The following SDK1 variants were observed in gnomAD, a reference collection of about 807,000 sequenced individuals.
SDK1 encodes the protein sidekick cell adhesion molecule 1, also known as protein sidekick-1.
SDK1 carries 157 observed loss-of-function variants against 245.5 expected under a neutral mutation model. That is an observed-to-expected ratio of 0.64 (90% CI 0.56 to 0.73). The LOEUF is 0.73. Among genes scored for constraint, SDK1 ranks in the 30% least tolerant of loss-of-function variants. The pLI, the probability that SDK1 is intolerant of heterozygous loss-of-function variation, is 0.00. For synonymous variants in SDK1, 1,647 were observed against 1,278.5 expected (o/e 1.29, Z -6.15); for missense variants, 3,583 against 3,002.3 (o/e 1.19, Z -4.52).
At chr7:4,100,202 G>C (rs938987916) in intron 22 of SDK1, among the ~76,000 whole-genome samples, 1 of 152,202 alleles carries the variant, frequency 6.6e-6, no homozygotes, top group Non-Finnish European at 1.5e-5. Context: ...AGAGGGATCA[G>C]ATCTGATGGG....
At chr7:4,215,231 T>C (rs945330842) in intron 38 of SDK1, among the ~76,000 whole-genome samples, 1 of 152,162 alleles carries the variant, frequency 6.6e-6, no homozygotes, top group African/African-American at 2.4e-5. Context: ...TTATATCTCA[T>C]CGGGGGCCAG....
At position 3,835,755 on chromosome 7, in the gene SDK1, G is replaced by A. The variant is rs556615142; in HGVS notation, c.847+14172G>A. On this transcript the variant is annotated intron_variant, in intron 5 of 44. Coordinates refer to ENST00000404826, the MANE Select transcript of SDK1 (RefSeq NM_152744.4). ...AGGATATCATGATTGAAGCAGACTG[G>A]TTTCTACTCTCAGAGCTTTTGTTGG... is the stretch of plus-strand genomic sequence containing the variant. Among the ~76,000 whole-genome samples the A allele has an allele frequency of 3.7e-3, 562 of 152,174 alleles. 5 individuals are homozygous for A. Among genetic ancestry groups the A allele is most frequent in the African/African-American group, 0.013 (546 of 41,524 alleles).
In SDK1 at chr7:4,027,223, G is replaced by A. The variant is rs28510071; in HGVS notation, c.2602+9871G>A. On this transcript the variant is annotated intron_variant, in intron 17 of 44. Coordinates refer to ENST00000404826, the MANE Select transcript of SDK1 (RefSeq NM_152744.4). Reference sequence around the variant, plus strand: ...AACTGATACTGCACCTGAGGGTCATGGACGATGAAATTTCACTGTGTAGAG... The same window carrying A: ...AACTGATACTGCACCTGAGGGTCATAGACGATGAAATTTCACTGTGTAGAG... 7.9e-3 allele frequency among the ~76,000 whole-genome samples: 1,208 copies of A among 152,308 alleles called. 18 individuals carry two copies. Among genetic ancestry groups the A allele is most frequent in the African/African-American group, 0.028 (1,145 of 41,570 alleles).
chr7:3,943,095 G>C (rs983468037), intron 5 of SDK1, among the ~76,000 whole-genome samples: 1 of 152,190 alleles, frequency 6.6e-6, no homozygotes, highest in Non-Finnish European at 1.5e-5. Flanking sequence ...ATCCAGACAC[G>C]GAAGACAGTG....
At chr7:4,202,926 T>G (rs1783973887) in intron 35 of SDK1, among the ~76,000 whole-genome samples, 2 of 152,190 alleles carry the variant, frequency 1.3e-5, no homozygotes, top group African/African-American at 4.8e-5. Flanking sequence ...AACCATGAGC[T>G]GCTGGTGCTC....
At chr7:4,251,359 A>G (rs1003538943) in intron 44 of SDK1, among the ~76,000 whole-genome samples, 2 of 152,228 alleles carry the variant, frequency 1.3e-5, no homozygotes, top group Non-Finnish European at 2.9e-5. Context: ...TGCACAGAGC[A>G]AAGTCCAGAG....
chr7:4,250,253 C>G (rs77574923), intron 44 of SDK1, among the ~76,000 whole-genome samples: 1 of 152,316 alleles, frequency 6.6e-6, no homozygotes, highest in Admixed American at 6.5e-5. Flanking sequence ...TTCTCTTTCA[C>G]ATTGTTTGTT....
intron 1 of SDK1, among the ~76,000 whole-genome samples, chr7:3,358,112 C>T (rs866878448): frequency 3.9e-4 from 59 of 152,196 alleles, no homozygotes; most frequent in African/African-American, 1.2e-3. Context: ...ACCTCTGCCT[C>T]CTGGATTCCA....
chr7:4,232,207 C>T (rs141930458), intron 40 of SDK1, among the ~76,000 whole-genome samples: 56 of 151,902 alleles, frequency 3.7e-4, no homozygotes, highest in Non-Finnish European at 5.2e-4. Context: ...TTTGTTATCA[C>T]CATTCTACAG....
chr7:3,974,697 T>A, intron 13 of SDK1, 152 bp downstream of exon 13: 1 of 616,760 alleles, frequency 1.6e-6, no homozygotes, highest in Non-Finnish European at 2.7e-6. Flanking sequence ...ACTACATATA[T>A]GGACAAGGTT....
chr7:3,787,346 G>C (rs966997587), intron 4 of SDK1, among the ~76,000 whole-genome samples: 2 of 152,062 alleles, frequency 1.3e-5, no homozygotes, highest in African/African-American at 4.8e-5. Flanking sequence ...AAAACACAAA[G>C]AAAATAGTTA....
chr7:4,157,398 G>A (rs1166292416), intron 30 of SDK1, among the ~76,000 whole-genome samples: 1 of 102,602 alleles, frequency 9.7e-6, no homozygotes, highest in Non-Finnish European at 2.0e-5. Context: ...TGAGGGGAGG[G>A]AGGGAGGAAT....
chr7:4,007,257 G>A (rs1785552967), intron 14 of SDK1, among the ~76,000 whole-genome samples: 1 of 152,236 alleles, frequency 6.6e-6, no homozygotes, highest in Non-Finnish European at 1.5e-5. Flanking sequence ...GGGGCTGGTA[G>A]CCTCAGAGCG....
chr7:3,524,154 C>G (rs1783038954), intron 1 of SDK1, among the ~76,000 whole-genome samples: 1 of 152,102 alleles, frequency 6.6e-6, no homozygotes. Flanking sequence ...CAAGAACTTC[C>G]CAGAATGAAG....
At chr7:3,398,026 A>G (rs1293243547) in intron 1 of SDK1, among the ~76,000 whole-genome samples, 1 of 152,088 alleles carries the variant, frequency 6.6e-6, no homozygotes, top group African/African-American at 2.4e-5. Flanking sequence ...CAGGAACTGA[A>G]GTAGTAAATA....
At chr7:3,436,524 T>A (rs1448701708) in intron 1 of SDK1, among the ~76,000 whole-genome samples, 1 of 152,204 alleles carries the variant, frequency 6.6e-6, no homozygotes, top group Admixed American at 6.5e-5. Context: ...TTTTGCTGTG[T>A]TTTTAATCAA....
chr7:3,978,295 GCA>G (rs1783129407), intron 13 of SDK1, among the ~76,000 whole-genome samples: 1 of 152,068 alleles, frequency 6.6e-6, no homozygotes, highest in South Asian at 2.1e-4. Context: ...TTTTTATTCT[GCA>G]CAGTTTTATG....
rs181733077 is a variant in SDK1 at position 3,338,045 on chromosome 7, C to T, written c.298+36161C>T. ...GTAATATGATGTAGTAAATATATGCCGCGGAAATATTTAAGACATGCTTAA... is the reference window on the plus strand; with the variant it reads ...GTAATATGATGTAGTAAATATATGCTGCGGAAATATTTAAGACATGCTTAA... On this transcript the variant is annotated intron_variant, in intron 1 of 44. Transcript: ENST00000404826. 56 of 167,392 alleles carry T rather than the reference C, an allele frequency of 3.3e-4. 1 individual carries two copies. The highest frequency in any genetic ancestry group is 3.8e-4 in the South Asian group (2 of 5,226). The allele number at this position is 167,392 out of a possible 1,614,324, so 10.4% of individuals were successfully genotyped here.
chr7:3,674,360 G>A (rs940652995), intron 4 of SDK1, among the ~76,000 whole-genome samples: 1 of 152,114 alleles, frequency 6.6e-6, no homozygotes, highest in Non-Finnish European at 1.5e-5. Context: ...AAAGCAGGGT[G>A]GGAGAGACCT....
Sources: gnomAD v4.1 joint callset for allele counts (sites outside exome capture counted in the v4.1 genomes callset) on GRCh38, gnomAD v4.1.1 for gene constraint, MANE v1.5 for transcripts, NCBI Gene and HGNC (gene_info 2026-07-23, HGNC 2026-07-21) for gene names.